Variants in ZRANB3 observed in about 807,000 individuals in gnomAD.
ZRANB3 encodes the protein zinc finger RANBP2-type containing 3, also known as DNA annealing helicase and endonuclease ZRANB3.
ZRANB3 carries 125 observed loss-of-function variants against 133.8 expected under a neutral mutation model. The ratio of observed to expected loss-of-function variants is 0.93; its 90% CI spans 0.81 to 1.08. ZRANB3 has a LOEUF of 1.08. Among genes scored for constraint, ZRANB3 ranks in the 50% least tolerant of loss-of-function variants. The probability of loss-of-function intolerance (pLI) is 0.00; values close to 1 mark genes in which losing one functional copy is unlikely to be tolerated. For missense variants in ZRANB3, 1,229 were observed against 1,275.5 expected, an observed-to-expected ratio of 0.96 and a Z score of 0.56; for synonymous variants, 387 against 432.7, an observed-to-expected ratio of 0.89 and a Z score of 1.31.
At chr2:135,383,556 C>A (rs1470755177) in intron 3 of ZRANB3, among the ~76,000 whole-genome samples, 2 of 152,090 alleles carry the variant, frequency 1.3e-5, no homozygotes, top group Non-Finnish European at 2.9e-5. Context: ...CTTCTCAGCA[C>A]CACACCTCAC....
chr2:135,308,241 G>A (rs1000898507), intron 8 of ZRANB3, among the ~76,000 whole-genome samples: 2 of 152,064 alleles, frequency 1.3e-5, no homozygotes, highest in African/African-American at 4.8e-5. Flanking sequence ...TCAGTGCAGG[G>A]TCCTGAGTCC....
At chr2:135,267,375 AT>A (rs1422633848) in intron 11 of ZRANB3, among the ~76,000 whole-genome samples, 4 of 151,992 alleles carry the variant, frequency 2.6e-5, no homozygotes, top group African/African-American at 9.7e-5. Flanking sequence ...CACTCCTATG[AT>A]AACCCATTAA....
chr2:135,280,492 G>A (rs556308955), intron 8 of ZRANB3, among the ~76,000 whole-genome samples: 28 of 152,202 alleles, frequency 1.8e-4, no homozygotes, highest in Non-Finnish European at 2.5e-4. Flanking sequence ...ATTTGAGCCC[G>A]GGAGGCAGAG....
rs367814432 is a variant in ZRANB3, at chr2:135,483,703, T to G, written c.161+20626A>C. ...TTTCTAGTTCTTTTAATTGTGATGTTAGGGTGTCAATTTTGGATCTTTCCC... is the reference window on the plus strand; with the variant it reads ...TTTCTAGTTCTTTTAATTGTGATGTGAGGGTGTCAATTTTGGATCTTTCCC... On this transcript the variant is annotated intron_variant, in intron 2 of 20. Coordinates refer to ENST00000264159, the MANE Select transcript of ZRANB3 (RefSeq NM_032143.4). Among the ~76,000 whole-genome samples, 22 of 152,302 alleles carry G rather than the reference T, an allele frequency of 1.4e-4. No individual in the cohort carries two copies. In the East Asian group the frequency reaches 4.0e-3, roughly 28 times the overall value.
chr2:135,327,845 A>C (rs1683912709), intron 6 of ZRANB3, among the ~76,000 whole-genome samples: 1 of 152,158 alleles, frequency 6.6e-6, no homozygotes. Flanking sequence ...TCATATAGCC[A>C]ATAAAAATTA....
chr2:135,398,521 C>CTTTTTTTT (rs374119156), intron 2 of ZRANB3, among the ~76,000 whole-genome samples: 12,700 of 123,034 alleles, frequency 0.1, 1,371 homozygotes, highest in South Asian at 0.26. Flanking sequence ...TCTTTTGTCA[C>CTTTTTTTT]TTTTTTTTTT....
At chr2:135,481,691 A>G (rs1160149634) in intron 2 of ZRANB3, among the ~76,000 whole-genome samples, 1 of 150,654 alleles carries the variant, frequency 6.6e-6, no homozygotes, top group African/African-American at 2.5e-5. Flanking sequence ...GTCCTTGCCC[A>G]TGCCTATGTC....
At chr2:135,227,559 C>T (rs572912094) in intron 14 of ZRANB3, among the ~76,000 whole-genome samples, 1 of 152,284 alleles carries the variant, frequency 6.6e-6, no homozygotes, top group African/African-American at 2.4e-5. Context: ...TGAGGCTGGG[C>T]AACAGGCCTG....
intron 2 of ZRANB3, among the ~76,000 whole-genome samples, chr2:135,494,433 CCAATTAA>C (rs1692574910): frequency 6.6e-6 from 1 of 151,670 alleles, no homozygotes; most frequent in South Asian, 2.1e-4. Flanking sequence ...CAATAAAATG[CCAATTAA>C]TAAATCATTT....
At chr2:135,277,617 A>G (rs1293553671) in intron 8 of ZRANB3, among the ~76,000 whole-genome samples, 1 of 152,216 alleles carries the variant, frequency 6.6e-6, no homozygotes, top group Admixed American at 6.5e-5. Flanking sequence ...AATCTCCCAG[A>G]AAGTAAACAG....
chr2:135,228,017 T>A lies in ZRANB3; in HGVS notation c.1955-2A>T, dbSNP rs1287605795. ...GGTTGAGGCTATCTATTTGCATAACTATTAAAATAAAAATTATTACAAAAA... is the reference window on the plus strand; with the variant it reads ...GGTTGAGGCTATCTATTTGCATAACAATTAAAATAAAAATTATTACAAAAA... On this transcript the variant is annotated splice_acceptor_variant, in intron 13 of 20. Transcript: ENST00000264159. LOFTEE classifies it high-confidence loss of function. 1.3e-6 allele frequency: 2 copies of A among 1,512,044 alleles called. No individual in the cohort carries two copies. Among genetic ancestry groups the A allele is most frequent in the Non-Finnish European group, 1.8e-6 (2 of 1,131,724 alleles). 93.7% of individuals were successfully genotyped at this position (1,512,044 alleles called of 1,614,324 possible).
intron 2 of ZRANB3, among the ~76,000 whole-genome samples, chr2:135,464,608 T>C (rs1690904016): frequency 6.6e-6 from 1 of 152,172 alleles, no homozygotes; most frequent in Admixed American, 6.5e-5. Context: ...CCCCCTGAGA[T>C]ATGAGGCTAG....
intron 3 of ZRANB3, among the ~76,000 whole-genome samples, chr2:135,373,818 C>G (rs56003407): frequency 0.62 from 26,750 of 43,126 alleles, 7,060 homozygotes; most frequent in African/African-American, 0.8. Flanking sequence ...GGGGAGGGGA[C>G]GGGAGGGGAA....
chr2:135,261,988 C>T (rs933073472), intron 12 of ZRANB3, among the ~76,000 whole-genome samples: 4 of 151,576 alleles, frequency 2.6e-5, no homozygotes, highest in East Asian at 1.9e-4. Flanking sequence ...GGTGAAACCC[C>T]GTCTTTAATA....
intron 15 of ZRANB3, among the ~76,000 whole-genome samples, chr2:135,220,686 A>G (rs2105055176): frequency 7.3e-6 from 1 of 137,422 alleles, no homozygotes; most frequent in South Asian, 2.6e-4. Flanking sequence ...TGGCAGAGAG[A>G]GACTCCATCT....
At chr2:135,305,450 A>G (rs1682634758) in intron 8 of ZRANB3, among the ~76,000 whole-genome samples, 1 of 152,256 alleles carries the variant, frequency 6.6e-6, no homozygotes. Context: ...AAAACAATCC[A>G]TTCAGCCAGT....
intron 1 of ZRANB3, chr2:135,510,631 C>T (rs1199484272): frequency 1.0e-5 from 8 of 791,710 alleles, no homozygotes; most frequent in Non-Finnish European, 1.4e-5. Flanking sequence ...CATTCCACCA[C>T]CCAGCCCACA....
chr2:135,298,209 C>T lies in ZRANB3; in HGVS notation c.966+15280G>A, dbSNP rs150249603. 5.0e-3 allele frequency among the ~76,000 whole-genome samples: 754 copies of T among 152,256 alleles called. 3 individuals are homozygous for T. Among genetic ancestry groups the T allele is most frequent in the African/African-American group, 0.017 (716 of 41,546 alleles). ...TACCACTGCACTCCAGCCTGGGTGACAGAGTGAAACTCTGTCTCAAAAACA... is the reference window on the plus strand; with the variant it reads ...TACCACTGCACTCCAGCCTGGGTGATAGAGTGAAACTCTGTCTCAAAAACA... On this transcript the variant is annotated intron_variant, in intron 8 of 20. Transcript: ENST00000264159.
At chr2:135,229,867 A>G (rs1694920111) in intron 13 of ZRANB3, among the ~76,000 whole-genome samples, 1 of 152,230 alleles carries the variant, frequency 6.6e-6, no homozygotes, top group African/African-American at 2.4e-5. Context: ...TAATCATTTC[A>G]GAAACTAAAC....
Sources: gnomAD v4.1 joint callset for allele counts (sites outside exome capture counted in the v4.1 genomes callset) on GRCh38, gnomAD v4.1.1 for gene constraint, MANE v1.5 for transcripts, NCBI Gene and HGNC (gene_info 2026-07-23, HGNC 2026-07-21) for gene names.